The following LYPD6 variants were observed in gnomAD, a reference collection of about 807,000 sequenced individuals.
LYPD6 encodes the protein ly6/PLAUR domain-containing protein 6.
In LYPD6, 15 loss-of-function variants were observed where a neutral mutation model predicts 22.7. The ratio of observed to expected loss-of-function variants is 0.66; its 90% confidence interval spans 0.44 to 1.02. LYPD6 has a LOEUF of 1.02. LYPD6 is among the 50% of genes least tolerant of loss of function. The pLI, the probability that LYPD6 is intolerant of heterozygous loss-of-function variation, is 0.00. For synonymous variants in LYPD6, 72 were observed against 77.5 expected (o/e 0.93, Z 0.37); for missense variants, 189 against 208.4 (o/e 0.91, Z 0.57).
intron 3 of LYPD6, 139 bp downstream of exon 3, chr2:149,449,286 C>T: frequency 1.8e-6 from 1 of 570,976 alleles, no homozygotes; most frequent in Non-Finnish European, 3.2e-6. Flanking sequence ...ATCTTTTGTA[C>T]CACACCAATA....
At chr2:149,411,618 G>C (rs1482694833) in intron 1 of LYPD6, among the ~76,000 whole-genome samples, 1 of 152,180 alleles carries the variant, frequency 6.6e-6, no homozygotes, top group Non-Finnish European at 1.5e-5. Context: ...TCACTCACAT[G>C]ATATGATTGA....
At chr2:149,458,395 A>G (rs904072136) in intron 3 of LYPD6, among the ~76,000 whole-genome samples, 1 of 152,186 alleles carries the variant, frequency 6.6e-6, no homozygotes, top group African/African-American at 2.4e-5. Flanking sequence ...ACCCATTGGT[A>G]TTGAGGCTAC....
intron 1 of LYPD6, among the ~76,000 whole-genome samples, chr2:149,392,530 C>T (rs1325153397): frequency 6.6e-6 from 1 of 152,150 alleles, no homozygotes; most frequent in African/African-American, 2.4e-5. Context: ...GTAACCAGTC[C>T]CCCTGAGGAC....
chr2:149,472,721 C>T lies in LYPD6; in HGVS notation c.*1871C>T, dbSNP rs1681370506. The stretch of plus-strand genomic sequence containing the variant: ...TTACATAAGTTAGGATTAATCCCTG[C>T]AAGAATCCTATAAAGAATGTTACTA... On this transcript the variant is annotated 3_prime_UTR_variant, in exon 5 of 5. Coordinates refer to ENST00000334166, the MANE Select transcript of LYPD6 (RefSeq NM_194317.5). 1 of 152,572 alleles carries T rather than the reference C, an allele frequency of 6.6e-6. No homozygotes were observed. Among genetic ancestry groups the T allele is most frequent in the Admixed American group, 6.5e-5 (1 of 15,272 alleles). 9.5% of individuals were successfully genotyped at this position (152,572 alleles called of 1,614,324 possible). A position where few individuals can be genotyped will look rare whatever the true frequency, so the allele number is the denominator to read the frequency against.
chr2:149,407,267 T>G (rs2105117279), intron 1 of LYPD6, among the ~76,000 whole-genome samples: 1 of 152,340 alleles, frequency 6.6e-6, no homozygotes, highest in East Asian at 1.9e-4. Context: ...TTCCTGAATC[T>G]GAATTTTGGC....
intron 3 of LYPD6, among the ~76,000 whole-genome samples, chr2:149,468,132 A>AACACAC (rs58309346): frequency 0.12 from 13,439 of 114,520 alleles, 1,169 homozygotes; most frequent in Middle Eastern, 0.15. Flanking sequence ...GCTTCCCCCC[A>AACACAC]ACACACACAC....
intron 3 of LYPD6, among the ~76,000 whole-genome samples, chr2:149,455,092 C>G (rs551096926): frequency 6.6e-6 from 1 of 152,174 alleles, no homozygotes; most frequent in South Asian, 2.1e-4. Context: ...TCTCTGGTAC[C>G]TTGCTCTTTA....
intron 3 of LYPD6, among the ~76,000 whole-genome samples, chr2:149,461,718 G>A (rs1190319439): frequency 6.6e-6 from 1 of 151,908 alleles, no homozygotes; most frequent in African/African-American, 2.4e-5. Flanking sequence ...ACAAAGTGGG[G>A]CTTAGTCCAT....
intron 1 of LYPD6, among the ~76,000 whole-genome samples, chr2:149,333,823 A>G (rs1378018245): frequency 6.6e-6 from 1 of 152,190 alleles, no homozygotes; most frequent in African/African-American, 2.4e-5. Context: ...TGCCTACCAG[A>G]TGTAACACAG....
At chr2:149,339,501 C>T (rs954586626) in intron 1 of LYPD6, among the ~76,000 whole-genome samples, 2 of 152,150 alleles carry the variant, frequency 1.3e-5, no homozygotes, top group Admixed American at 1.3e-4. Flanking sequence ...ACCAGCCTAC[C>T]AATTACAGTC....
At chr2:149,474,323 C>T (rs183371978), downstream of LYPD6, among the ~76,000 whole-genome samples, 5 of 152,128 alleles carry the variant, frequency 3.3e-5, no homozygotes, top group Admixed American at 6.6e-5. Context: ...CTCAGCCTCC[C>T]GAGTAGCTGG....
chr2:149,438,606 T>G (rs959366489), intron 2 of LYPD6, among the ~76,000 whole-genome samples: 3 of 152,264 alleles, frequency 2.0e-5, no homozygotes, highest in African/African-American at 7.2e-5. Context: ...AATGCTCTGT[T>G]TAACAAATAT....
intron 1 of LYPD6, among the ~76,000 whole-genome samples, chr2:149,357,368 T>C (rs1186001868): frequency 6.6e-6 from 1 of 152,228 alleles, no homozygotes; most frequent in Non-Finnish European, 1.5e-5. Context: ...TGACACTTTT[T>C]TCCAGGGTTC....
chr2:149,430,560 A>C (rs1683290441), intron 1 of LYPD6, among the ~76,000 whole-genome samples: 1 of 152,210 alleles, frequency 6.6e-6, no homozygotes, highest in Admixed American at 6.5e-5. Flanking sequence ...GGCACCTAAG[A>C]TACCACCATA....
Position 149,341,584 on chromosome 2 carries a change from T to C in LYPD6, c.-72+10862T>C, listed in dbSNP as rs182169176. Among the ~76,000 whole-genome samples, 169 of 152,252 alleles carry C rather than the reference T, an allele frequency of 1.1e-3. 2 individuals carry two copies. Among genetic ancestry groups the C allele is most frequent in the African/African-American group, 2.6e-3 (106 of 41,568 alleles). On this transcript the variant is annotated intron_variant, in intron 1 of 4. Transcript: ENST00000334166. Reference sequence around the variant, plus strand: ...AGATCTGGGGGGAATCACAAAGGATTGCATCTTAGACTCGTTGTGCTACTA... The same window carrying C: ...AGATCTGGGGGGAATCACAAAGGATCGCATCTTAGACTCGTTGTGCTACTA...
chr2:149,482,139 T>A, the LYPD6 span, among the ~76,000 whole-genome samples: 1 of 152,184 alleles, frequency 6.6e-6, no homozygotes, highest in East Asian at 1.9e-4. Context: ...CTACTTACTT[T>A]AAAAAAAATT....
At chr2:149,354,684 C>T (rs1291899605) in intron 1 of LYPD6, among the ~76,000 whole-genome samples, 1 of 152,160 alleles carries the variant, frequency 6.6e-6, no homozygotes, top group African/African-American at 2.4e-5. Flanking sequence ...ACCACCTGCT[C>T]ACCTTTTCTT....
intron 1 of LYPD6, among the ~76,000 whole-genome samples, chr2:149,411,049 T>TG (rs1271549628): frequency 4.6e-5 from 7 of 152,188 alleles, no homozygotes; most frequent in Non-Finnish European, 1.0e-4. Context: ...TACAGTGGAA[T>TG]GGTTGGTCTA....
chr2:149,398,052 A>G (rs16826940), intron 1 of LYPD6, among the ~76,000 whole-genome samples: 1,965 of 152,348 alleles, frequency 0.013, 34 homozygotes, highest in African/African-American at 0.045. Flanking sequence ...ATGAGACATT[A>G]CAAGATAAAC....
Sources: gnomAD v4.1 joint callset for allele counts (sites outside exome capture counted in the v4.1 genomes callset) on GRCh38, gnomAD v4.1.1 for gene constraint, MANE v1.5 for transcripts, NCBI Gene and HGNC (gene_info 2026-07-23, HGNC 2026-07-21) for gene names.